INPP5J: variants seen among roughly 807,000 people sequenced by gnomAD.
INPP5J encodes the protein inositol polyphosphate-5-phosphatase J.
A neutral mutation model predicts 86.6 loss-of-function variants in INPP5J; 75 were observed. The observed-to-expected ratio is 0.87, with a 90% CI of 0.72 to 1.05. The LOEUF (loss-of-function observed/expected upper bound fraction) is 1.05, where lower values mean the gene tolerates loss of function less well. Ranked by LOEUF, INPP5J falls within the 50% of genes least tolerant of loss-of-function variation. INPP5J has a pLI of 0.00. For synonymous variants in INPP5J, 540 were observed against 550.0 expected, an observed-to-expected ratio of 0.98 and a Z score of 0.25; for missense variants, 1,229 against 1,341.2, an observed-to-expected ratio of 0.92 and a Z score of 1.31.
chr22:31,130,011 C>T (rs1349353877), intron 9 of INPP5J, among the ~76,000 whole-genome samples: 3 of 151,074 alleles, frequency 2.0e-5, no homozygotes, highest in South Asian at 2.1e-4. Context: ...AGTTTAAGAC[C>T]GGCCTGAGCA....
At chr22:31,128,137 C>A in intron 7 of INPP5J, 75 bp downstream of exon 7, 2 of 1,441,784 alleles carry the variant, frequency 1.4e-6, no homozygotes, top group Non-Finnish European at 1.9e-6. Flanking sequence ...GGTCCCTGTC[C>A]TCACCTGCCC....
rs1162707370 is a variant in INPP5J, at chr22:31,134,010, C to T, written c.2612C>T (p.Pro871Leu). 1 of 1,610,360 alleles carries T rather than the reference C, an allele frequency of 6.2e-7. No homozygotes were observed. The highest frequency in any genetic ancestry group is 1.3e-5 in the African/African-American group (1 of 74,822). The change falls in exon 13 of 13, where the codon CCC becomes CTC. Residue 871 changes from proline to leucine, a missense_variant. Coordinates refer to ENST00000331075, the MANE Select transcript of INPP5J (RefSeq NM_001284285.2). ...EDDSTLELLA[P>L]KSRSPSPGKS... The stretch of plus-strand genomic sequence containing the variant: ...GACAGCACACTGGAGCTCCTTGCAC[C>T]CAAGTCCCGCAGCCCCAGTCCTGGC...
rs773847167 is a variant in INPP5J, at chr22:31,128,067, G to T, written c.1899+5G>T. ...CAGCTCTGGGAGAAGGACCAGGTGGGGTCCTTGTCCCCAGAAGCACACAGA... is the reference window on the plus strand; with the variant it reads ...CAGCTCTGGGAGAAGGACCAGGTGGTGTCCTTGTCCCCAGAAGCACACAGA... On this transcript the variant is annotated splice_donor_5th_base_variant and intron_variant, in intron 7 of 12. Coordinates refer to ENST00000331075, the MANE Select transcript of INPP5J (RefSeq NM_001284285.2). The T allele has an allele frequency of 1.9e-6, 3 of 1,601,320 alleles. No individual in the cohort carries two copies.
At position 31,124,900 on chromosome 22, in the gene INPP5J, A is replaced by G. The variant is rs761596941; in HGVS notation, c.161A>G (p.Glu54Gly). The change falls in exon 2 of 13, where the codon GAA (glutamate) becomes GGA (glycine). Residue 54 changes from glutamate (E) to glycine (G), a missense_variant. Transcript: ENST00000331075. Reference protein sequence around the residue: ...AKKNAALGPSEPRLALAPVGP... With the variant: ...AKKNAALGPSGPRLALAPVGP... The stretch of plus-strand genomic sequence containing the variant: ...AAGAACGCAGCCCTAGGACCCTCGG[A>G]ACCAAGGTTGGCTCTGGCACCTGTA... 1.9e-6 allele frequency: 3 copies of G among 1,613,906 alleles called. No homozygotes were observed. Among genetic ancestry groups the G allele is most frequent in the Non-Finnish European group, 2.5e-6 (3 of 1,179,844 alleles).
At chr22:31,132,437 A>G (rs945498715) in intron 9 of INPP5J, among the ~76,000 whole-genome samples, 1 of 152,172 alleles carries the variant, frequency 6.6e-6, no homozygotes. Context: ...CTCCAAGAGT[A>G]AAATAAGAGT....
chr22:31,126,722 G>C lies in INPP5J; in HGVS notation c.1494+1G>C. On this transcript the variant is annotated splice_donor_variant, in intron 4 of 12. Coordinates refer to ENST00000331075, the MANE Select transcript of INPP5J (RefSeq NM_001284285.2). LOFTEE classifies it high-confidence loss of function. Reference sequence around the variant, plus strand: ...GCTAGGGCCCTTCAACTTCGTGCTGGTAACGCACCCCTCACCCCCTGGACA... The same window carrying C: ...GCTAGGGCCCTTCAACTTCGTGCTGCTAACGCACCCCTCACCCCCTGGACA... 2 of 1,609,808 alleles carry C rather than the reference G, an allele frequency of 1.2e-6. No homozygotes were observed. Among genetic ancestry groups the C allele is most frequent in the Non-Finnish European group, 1.7e-6 (2 of 1,176,092 alleles).
At chr22:31,124,740 G>T (rs1921186845) in intron 1 of INPP5J, 105 bp from the exon 2 acceptor site, 1 of 950,040 alleles carries the variant, frequency 1.1e-6, no homozygotes, top group Non-Finnish European at 1.6e-6. Context: ...TCCTTGGAAA[G>T]ATGTGCCTTT....
chr22:31,131,449 G>C lies in INPP5J; in HGVS notation c.2194-1649G>C, dbSNP rs1475009380. On this transcript the variant is annotated intron_variant, in intron 9 of 12. Coordinates refer to ENST00000331075, the MANE Select transcript of INPP5J (RefSeq NM_001284285.2). ...GTGGTGGTGCGCACCTGTAGTCCTA[G>C]CTACTCGGGAGGCTGAGGTAGAGGA... is the stretch of plus-strand genomic sequence containing the variant. Among the ~76,000 whole-genome samples, 2 of 152,048 alleles carry C rather than the reference G, an allele frequency of 1.3e-5. 1 individual carries two copies. Among genetic ancestry groups the C allele is most frequent in the Admixed American group, 1.3e-4 (2 of 15,260 alleles).
Position 31,125,217 on chromosome 22 carries a change from G to A in INPP5J, c.478G>A (p.Ala160Thr), listed in dbSNP as rs1014736966. The A allele has an allele frequency of 1.3e-6, 2 of 1,550,494 alleles. No homozygotes were observed. Among genetic ancestry groups the A allele is most frequent in the Non-Finnish European group, 1.7e-6 (2 of 1,146,958 alleles). Residue 160 changes from alanine to threonine, a missense_variant, in exon 2 of 13, where the codon GCC (alanine) becomes ACC (threonine). Ala to Thr is a moderately conservative substitution (Grantham distance 58, BLOSUM62 0). Coordinates refer to ENST00000331075, the MANE Select transcript of INPP5J (RefSeq NM_001284285.2). ...CCCAGTCACCCTGGGGCCCAATCTG[G>A]CCCCAACCTCCAGAGACCAGAAGCA... is the stretch of plus-strand genomic sequence containing the variant. ...SPPVTLGPNLAPTSRDQKQEP... is the reference protein window; with the variant it reads ...SPPVTLGPNLTPTSRDQKQEP...
intron 2 of INPP5J, 111 bp from the exon 3 acceptor site, chr22:31,126,265 G>T: frequency 1.0e-6 from 1 of 964,824 alleles, no homozygotes; most frequent in East Asian, 2.4e-5. Context: ...TCCTTCTTAG[G>T]GCTTTGGCCC....
chr22:31,133,621 T>C lies in INPP5J; in HGVS notation c.2421T>C (p.Ser807=). The change falls in exon 12 of 13, where the codon AGT becomes AGC. Residue 807 remains serine (S), a synonymous_variant. Coordinates refer to ENST00000331075, the MANE Select transcript of INPP5J (RefSeq NM_001284285.2). ...VDGNTYQVTF[S]EESLPKGHGD... ...CCTGGGCCTACCAGGTAACATTCAG[T>C]GAGGAATCACTGCCCAAGGGCCATG... 5 of 1,611,570 alleles carry C rather than the reference T, an allele frequency of 3.1e-6. No individual in the cohort carries two copies. The highest frequency in any genetic ancestry group is 1.7e-5 in the Admixed American group (1 of 59,744).
chr22:31,133,694 G>T lies in INPP5J; in HGVS notation c.2494G>T (p.Gly832Cys), dbSNP rs200780809. 4 of 1,612,908 alleles carry T rather than the reference G, an allele frequency of 2.5e-6. No homozygotes were observed. Among genetic ancestry groups the T allele is most frequent in the Admixed American group, 1.7e-5 (1 of 59,886 alleles). Residue 832 changes from glycine to cysteine, a missense_variant, in exon 12 of 13, where the codon GGC becomes TGC. Physicochemically the swap from Gly to Cys is radical, Grantham distance 159. Transcript: ENST00000331075. ...YYSHNHSILI[G>C]ITEPFQISLP... ...TAGTCACAACCACAGCATCCTCATC[G>T]GCATCACTGAACCCTTCCAGGTAAG...
At position 31,129,760 on chromosome 22, in the gene INPP5J, T is replaced by TA. The variant is rs1467929957; in HGVS notation, c.2193+1106_2193+1107insA. 1.1e-4 allele frequency among the ~76,000 whole-genome samples: 17 copies of TA among 151,610 alleles called. No individual in the cohort carries two copies. In the South Asian group the frequency reaches 3.6e-3, roughly 32 times the overall value. On this transcript the variant is annotated intron_variant, in intron 9 of 12. Coordinates refer to ENST00000331075, the MANE Select transcript of INPP5J (RefSeq NM_001284285.2). ...TTTTGCCATGTTGGCCAGGCTGGTC[T>TA]CGAACTCCTGACCTCCGGTGATCTG...
In INPP5J at chr22:31,133,947, G is replaced by A; in HGVS notation, c.2549G>A (p.Ser850Asn). 6.2e-7 allele frequency: 1 copy of A among 1,613,266 alleles called. No homozygotes were observed. ...SLPSSELASSSTDSSGTSSEG... is the reference protein window; with the variant it reads ...SLPSSELASSNTDSSGTSSEG... Reference sequence around the variant, plus strand: ...CCTTCCTCGGAGTTGGCCAGCAGCAGCACAGACAGCTCAGGCACCAGCTCA... The same window carrying A: ...CCTTCCTCGGAGTTGGCCAGCAGCAACACAGACAGCTCAGGCACCAGCTCA... The change falls in exon 13 of 13, where the codon AGC becomes AAC. Residue 850 changes from serine to asparagine, a missense_variant. Coordinates refer to ENST00000331075, the MANE Select transcript of INPP5J (RefSeq NM_001284285.2).
Position 31,133,909 on chromosome 22 carries a change from C to G in INPP5J, c.2515-4C>G, listed in dbSNP as rs1380725140. On this transcript the variant is annotated splice_polypyrimidine_tract_variant and splice_region_variant and intron_variant, in intron 12 of 12. Transcript: ENST00000331075. ...GGCGCCCCAGTGACCAGCATTTCCC[C>G]CAGATCTCGCTGCCTTCCTCGGAGT... 6.2e-7 allele frequency: 1 copy of G among 1,609,492 alleles called. No individual in the cohort carries two copies. The highest frequency in any genetic ancestry group is 1.3e-5 in the African/African-American group (1 of 74,994).
In INPP5J at chr22:31,128,516, G is replaced by A. The variant is rs565487531; in HGVS notation, c.2055G>A (p.Lys685=). The A allele has an allele frequency of 6.2e-7, 1 of 1,613,562 alleles. No homozygotes were observed. The highest frequency in any genetic ancestry group is 1.1e-5 in the South Asian group (1 of 91,082). The change falls in exon 9 of 13, where the codon AAG becomes AAA. Residue 685 remains lysine (K), a synonymous_variant. Transcript: ENST00000331075. ...KPAWTDRILW[K]VKAPGGGPSP... is the part of the protein sequence containing the mutation. ...CTTGGACAGACCGTATCCTATGGAA[G>A]GTCAAGGCTCCAGGTGGGGGTCCCA...
At chr22:31,123,641 C>T (rs1262392407) in intron 1 of INPP5J, among the ~76,000 whole-genome samples, 1 of 152,082 alleles carries the variant, frequency 6.6e-6, no homozygotes, top group Non-Finnish European at 1.5e-5. Context: ...GAGAAGGATA[C>T]GGGACAGAAA....
Position 31,125,344 on chromosome 22 carries a change from C to T in INPP5J, c.605C>T (p.Pro202Leu), listed in dbSNP as rs565966222. 2 of 1,550,608 alleles carry T rather than the reference C, an allele frequency of 1.3e-6. No individual in the cohort carries two copies. Residue 202 changes from proline to leucine, a missense_variant, in exon 2 of 13, where the codon CCT (proline) becomes CTT (leucine). Pro to Leu is a moderately conservative substitution (Grantham distance 98). Transcript: ENST00000331075. ...EEQPPELPST[P>L]SPVPSPVLSP... ...CAGCCCCCAGAACTCCCCTCCACCC[C>T]TTCCCCGGTGCCCAGTCCAGTTCTG... is the stretch of plus-strand genomic sequence containing the variant.
rs1922425869 is a variant in INPP5J at position 31,134,536 on chromosome 22, G to A, written c.*117G>A. ...TATCTGCACCTGCCTCTCTGTCCTG[G>A]CCAGGGGTGGACAACTGGGGTCCCC... is the stretch of plus-strand genomic sequence containing the variant. On this transcript the variant is annotated 3_prime_UTR_variant, in exon 13 of 13. Coordinates refer to ENST00000331075, the MANE Select transcript of INPP5J (RefSeq NM_001284285.2). 2 of 1,139,554 alleles carry A rather than the reference G, an allele frequency of 1.8e-6. No individual in the cohort carries two copies. Among genetic ancestry groups the A allele is most frequent in the South Asian group, 2.1e-5 (1 of 46,570 alleles). 70.6% of individuals were successfully genotyped at this position (1,139,554 alleles called of 1,614,324 possible). A position where few individuals can be genotyped will look rare whatever the true frequency, so the allele number is the denominator to read the frequency against.
Sources: allele counts gnomAD v4.1 joint callset (sites outside exome capture counted in the v4.1 genomes callset), GRCh38; gene constraint gnomAD v4.1.1; transcripts MANE v1.5; gene names NCBI Gene and HGNC (gene_info 2026-07-23, HGNC 2026-07-21).